Variants in KCNH5 observed in about 807,000 individuals in gnomAD.
The protein encoded by KCNH5 is potassium voltage-gated channel subfamily H member 5, also known as voltage-gated delayed rectifier potassium channel KCNH5.
A neutral mutation model predicts 96.1 loss-of-function variants in KCNH5; 46 were observed. The ratio of observed to expected loss-of-function variants is 0.48; its 90% CI spans 0.38 to 0.61. The LOEUF (loss-of-function observed/expected upper bound fraction) is 0.61. Among genes scored for constraint, KCNH5 ranks in the 20% least tolerant of loss-of-function variants. The pLI is 0.00. For missense variants in KCNH5, 907 were observed against 1,225.8 expected (o/e 0.74, Z 3.88); for synonymous variants, 439 against 449.8 (o/e 0.98, Z 0.30).
intron 1 of KCNH5, among the ~76,000 whole-genome samples, chr14:63,030,432 T>C (rs1891603671): frequency 6.6e-6 from 1 of 152,122 alleles, no homozygotes; most frequent in African/African-American, 2.4e-5. Flanking sequence ...GAGGAGAACA[T>C]AAAATAAAAC....
chr14:62,787,235 A>G (rs370305668), intron 9 of KCNH5, among the ~76,000 whole-genome samples: 10 of 152,198 alleles, frequency 6.6e-5, no homozygotes, highest in African/African-American at 2.4e-4. Context: ...AAACAGACCT[A>G]CTGCTGATAA....
intron 4 of KCNH5, among the ~76,000 whole-genome samples, chr14:62,987,605 A>G (rs1031259466): frequency 5.3e-5 from 8 of 152,190 alleles, no homozygotes; most frequent in South Asian, 2.1e-4. Flanking sequence ...AATGTGTGTC[A>G]CTTCCATGCC....
chr14:62,985,014 T>C (rs1433635260), intron 5 of KCNH5, among the ~76,000 whole-genome samples: 1 of 152,052 alleles, frequency 6.6e-6, no homozygotes, highest in Non-Finnish European at 1.5e-5. Flanking sequence ...ACTATAAAAA[T>C]TCACAATCAC....
chr14:62,865,905 C>A (rs555746334), intron 7 of KCNH5, among the ~76,000 whole-genome samples: 75 of 152,090 alleles, frequency 4.9e-4, no homozygotes, highest in Non-Finnish European at 1.0e-3. Flanking sequence ...ATTTTAAAGA[C>A]AATATTCCAT....
intron 7 of KCNH5, among the ~76,000 whole-genome samples, chr14:62,938,969 T>TG (rs1398292764): frequency 1.3e-5 from 2 of 152,224 alleles, no homozygotes; most frequent in African/African-American, 4.8e-5. Flanking sequence ...ATATTGGCTG[T>TG]GAAAATTACT....
At chr14:62,911,864 G>C (rs931029569) in intron 7 of KCNH5, among the ~76,000 whole-genome samples, 1 of 151,412 alleles carries the variant, frequency 6.6e-6, no homozygotes, top group Admixed American at 6.6e-5. Context: ...GTAACACCCC[G>C]TCTCTACTAA....
intron 7 of KCNH5, among the ~76,000 whole-genome samples, chr14:62,919,030 G>A (rs190340506): frequency 2.8e-4 from 42 of 152,004 alleles, no homozygotes; most frequent in African/African-American, 9.4e-4. Context: ...ATCCAAAAAC[G>A]TGGTATATAC....
At chr14:62,905,269 C>G (rs1889005056) in intron 7 of KCNH5, among the ~76,000 whole-genome samples, 2 of 152,082 alleles carry the variant, frequency 1.3e-5, no homozygotes, top group African/African-American at 4.8e-5. Context: ...ATAAAAACAC[C>G]TGGTAACATT....
At chr14:62,796,628 A>G (rs1886547805) in intron 9 of KCNH5, among the ~76,000 whole-genome samples, 1 of 152,142 alleles carries the variant, frequency 6.6e-6, no homozygotes, top group Admixed American at 6.6e-5. Flanking sequence ...GCCCATGTGA[A>G]CCTGGAAAAT....
chr14:62,853,460 T>TATATATATGATATATATATATATATATC (rs1555360142), intron 7 of KCNH5, among the ~76,000 whole-genome samples: 1 of 89,576 alleles, frequency 1.1e-5, no homozygotes, highest in African/African-American at 3.9e-5. Flanking sequence ...AATAATCATA[T>TATATATATGATATATATATATATATATC]ATATATATAT....
chr14:62,713,701 T>A (rs1319326747), intron 10 of KCNH5, among the ~76,000 whole-genome samples: 1 of 152,230 alleles, frequency 6.6e-6, no homozygotes, highest in Non-Finnish European at 1.5e-5. Context: ...CAAAGTATGA[T>A]AGTTCTTTGT....
intron 8 of KCNH5, among the ~76,000 whole-genome samples, chr14:62,804,651 A>G (rs928626732): frequency 6.6e-6 from 1 of 152,192 alleles, no homozygotes. Context: ...AGAGGACGTA[A>G]GTCTGGGTTC....
intron 6 of KCNH5, among the ~76,000 whole-genome samples, chr14:62,957,782 C>G (rs1890132279): frequency 6.6e-6 from 1 of 152,174 alleles, no homozygotes; most frequent in Non-Finnish European, 1.5e-5. Context: ...TTGAGTCATG[C>G]ATTTCAGCCA....
intron 8 of KCNH5, among the ~76,000 whole-genome samples, chr14:62,835,101 C>A (rs1045557571): frequency 6.6e-6 from 1 of 151,946 alleles, no homozygotes; most frequent in African/African-American, 2.4e-5. Flanking sequence ...TTTCAGTAGA[C>A]TAAAGAATTT....
intron 7 of KCNH5, among the ~76,000 whole-genome samples, chr14:62,876,231 T>C (rs1016009954): frequency 2.6e-5 from 4 of 152,204 alleles, no homozygotes; most frequent in Non-Finnish European, 2.9e-5. Context: ...AGGGAATCTC[T>C]GAGAAACTAA....
intron 7 of KCNH5, among the ~76,000 whole-genome samples, chr14:62,869,876 G>GGAAAACTGGCTAGCCATATGCA (rs1888216873): frequency 6.6e-6 from 1 of 152,060 alleles, no homozygotes; most frequent in African/African-American, 2.4e-5. Context: ...AATGGTGTTG[G>GGAAAACTGGCTAGCCATATGCA]GAAAACTGGC....
chr14:62,962,779 A>G (rs751016203), intron 6 of KCNH5, among the ~76,000 whole-genome samples: 1 of 152,198 alleles, frequency 6.6e-6, no homozygotes, highest in Non-Finnish European at 1.5e-5. Flanking sequence ...TATATGATCA[A>G]TGAAGGAATA....
chr14:62,966,886 C>T (rs79512768), intron 6 of KCNH5, among the ~76,000 whole-genome samples: 5,903 of 152,200 alleles, frequency 0.039, 127 homozygotes, highest in Non-Finnish European at 0.043. Flanking sequence ...ATCAAACTTT[C>T]GATTCTTAAT....
intron 7 of KCNH5, among the ~76,000 whole-genome samples, chr14:62,903,774 T>C (rs989028533): frequency 6.6e-6 from 1 of 152,132 alleles, no homozygotes; most frequent in Non-Finnish European, 1.5e-5. Flanking sequence ...AATGAATAGA[T>C]ATAGATGAAA....
Sources: allele counts gnomAD v4.1 joint callset (sites outside exome capture counted in the v4.1 genomes callset), GRCh38; gene constraint gnomAD v4.1.1; transcripts MANE v1.5; gene names NCBI Gene and HGNC (gene_info 2026-07-23, HGNC 2026-07-21).